HTR2A: variants seen among roughly 807,000 people sequenced by gnomAD.
HTR2A encodes 5-HT2 receptor.
Under a neutral mutation model 31.0 loss-of-function variants are expected in HTR2A, and 14 were observed. That is an observed-to-expected ratio of 0.45 (90% confidence interval 0.30 to 0.71). The LOEUF (loss-of-function observed/expected upper bound fraction) is 0.71, where lower values mean the gene tolerates loss of function less well. Among genes scored for constraint, HTR2A ranks in the 30% least tolerant of loss-of-function variants. The probability of loss-of-function intolerance (pLI) is 0.09; values close to 1 mark genes in which losing one functional copy is unlikely to be tolerated. For missense variants in HTR2A, 442 were observed against 573.3 expected (o/e 0.77, Z 2.34); for synonymous variants, 209 against 225.2 (o/e 0.93, Z 0.64).
At chr13:46,847,979 A>G (rs888674902) in intron 3 of HTR2A, among the ~76,000 whole-genome samples, 1 of 152,052 alleles carries the variant, frequency 6.6e-6, no homozygotes, top group African/African-American at 2.4e-5. Context: ...AGGATTCTAG[A>G]AGCTTCTTCA....
Position 46,835,604 on chromosome 13 carries a change from C to A in HTR2A, c.649G>T (p.Asp217Tyr). 1.2e-6 allele frequency: 2 copies of A among 1,613,766 alleles called. No individual in the cohort carries two copies. The highest frequency in any genetic ancestry group is 1.7e-6 in the Non-Finnish European group (2 of 1,179,818). ...CCCTCCTTAAAGACCTTCGAATCGT[C>A]CTGTAGCCCAAAGACTGGTATTGGC... is the stretch of plus-strand genomic sequence containing the variant. ...SMPIPVFGLQ[D>Y]DSKVFKEGSC... Residue 217 changes from aspartate to tyrosine, a missense_variant, in exon 4 of 4, where the codon GAC becomes TAC. This residue lies in a region of HTR2A where 174 missense variants were observed against 195.1 expected (regional missense o/e 0.89). Coordinates refer to ENST00000542664, the MANE Select transcript of HTR2A (RefSeq NM_000621.5).
chr13:46,847,107 G>A (rs191732451), intron 3 of HTR2A, among the ~76,000 whole-genome samples: 2 of 152,350 alleles, frequency 1.3e-5, no homozygotes, highest in East Asian at 1.9e-4. Context: ...TTTGAGTTTC[G>A]ATTCTTGGGA....
chr13:46,894,260 C>G (rs1264133740), intron 2 of HTR2A, among the ~76,000 whole-genome samples: 4 of 152,250 alleles, frequency 2.6e-5, no homozygotes, highest in South Asian at 2.1e-4. Context: ...CCTTGCTCCC[C>G]AAGCGGGTGA....
intron 3 of HTR2A, among the ~76,000 whole-genome samples, chr13:46,877,559 C>T (rs921410744): frequency 6.6e-5 from 10 of 152,034 alleles, no homozygotes; most frequent in Admixed American, 2.0e-4. Context: ...GAGTCAGACT[C>T]CAGAAATTAA....
chr13:46,838,538 T>A (rs1442157844), intron 3 of HTR2A, among the ~76,000 whole-genome samples: 1 of 152,196 alleles, frequency 6.6e-6, no homozygotes, highest in Non-Finnish European at 1.5e-5. Context: ...TTAGTTTGTA[T>A]ACACTAGATT....
chr13:46,879,017 T>C (rs1375711773), intron 3 of HTR2A, among the ~76,000 whole-genome samples: 3 of 152,152 alleles, frequency 2.0e-5, no homozygotes, highest in Non-Finnish European at 2.9e-5. Flanking sequence ...CAAAAACAAA[T>C]ATAAGAAACT....
At position 46,863,284 on chromosome 13, in the gene HTR2A, G is replaced by A. The variant is rs1365654567; in HGVS notation, c.614-27645C>T. 3.3e-5 allele frequency among the ~76,000 whole-genome samples: 5 copies of A among 152,050 alleles called. No homozygotes were observed. The East Asian group carries it at 9.6e-4, about 29-fold the overall frequency. On this transcript the variant is annotated intron_variant, in intron 3 of 3. Transcript: ENST00000542664. ...CTCTGATGCTTAAAAAATAAAAAGG[G>A]AATAAGAACAAAAGTTATCTTTTCT...
intron 3 of HTR2A, among the ~76,000 whole-genome samples, chr13:46,853,718 C>A (rs889108183): frequency 1.3e-5 from 2 of 152,094 alleles, no homozygotes; most frequent in Non-Finnish European, 2.9e-5. Context: ...TCCAGGGTAG[C>A]GTGGACACTC....
chr13:46,891,119 A>G (rs560973288), intron 3 of HTR2A, among the ~76,000 whole-genome samples: 1 of 152,382 alleles, frequency 6.6e-6, no homozygotes, highest in East Asian at 1.9e-4. Flanking sequence ...GACATGATCC[A>G]GTAAGCCACA....
At chr13:46,890,525 T>C (rs1951044729) in intron 3 of HTR2A, among the ~76,000 whole-genome samples, 1 of 152,324 alleles carries the variant, frequency 6.6e-6, no homozygotes, top group Middle Eastern at 3.4e-3. Context: ...TTATAAGTGA[T>C]ATCATCCTGT....
In HTR2A at chr13:46,833,175, C is replaced by T. The variant is rs1876308344; in HGVS notation, c.*1662G>A. 6.6e-6 allele frequency: 1 copy of T among 152,038 alleles called. No individual in the cohort carries two copies. Among genetic ancestry groups the T allele is most frequent in the East Asian group, 1.9e-4 (1 of 5,192 alleles). 9.4% of individuals were successfully genotyped at this position (152,038 alleles called of 1,614,324 possible). ...AATGTTAAGCCTCAAGTGATATTTTCCCCCTCCTTTATTTGTTTGGTGTTT... is the reference window on the plus strand; with the variant it reads ...AATGTTAAGCCTCAAGTGATATTTTTCCCCTCCTTTATTTGTTTGGTGTTT... On this transcript the variant is annotated 3_prime_UTR_variant, in exon 4 of 4. Transcript: ENST00000542664.
intron 3 of HTR2A, among the ~76,000 whole-genome samples, chr13:46,862,147 T>C (rs963946634): frequency 7.9e-5 from 12 of 152,196 alleles, no homozygotes; most frequent in Non-Finnish European, 1.8e-4. Context: ...CCTTGCCAGA[T>C]CTATTATAAT....
At chr13:46,860,204 C>G (rs1874101787) in intron 3 of HTR2A, among the ~76,000 whole-genome samples, 1 of 152,174 alleles carries the variant, frequency 6.6e-6, no homozygotes, top group South Asian at 2.1e-4. Flanking sequence ...CTGTGCTGTA[C>G]AGGTTGGTAA....
intron 3 of HTR2A, among the ~76,000 whole-genome samples, chr13:46,889,646 A>G (rs1040865866): frequency 6.6e-6 from 1 of 152,234 alleles, no homozygotes; most frequent in Non-Finnish European, 1.5e-5. Context: ...ATATCAATTG[A>G]GTCTAAAAAA....
intron 3 of HTR2A, among the ~76,000 whole-genome samples, chr13:46,881,728 A>G (rs985933): frequency 0.59 from 90,120 of 151,990 alleles, 26,838 homozygotes; most frequent in East Asian, 0.67. Context: ...ATAGCCGTAT[A>G]AAGGAGTTGG....
chr13:46,869,044 ACGTCACCAAAAG>A (rs1950843519), intron 3 of HTR2A, among the ~76,000 whole-genome samples: 1 of 152,186 alleles, frequency 6.6e-6, no homozygotes, highest in Admixed American at 6.5e-5. Context: ...TGAAGTAGAT[ACGTCACCAAAAG>A]CACAAACAAA....
At chr13:46,897,912 C>T (rs369344048), upstream of HTR2A, among the ~76,000 whole-genome samples, 1 of 152,206 alleles carries the variant, frequency 6.6e-6, no homozygotes, top group Non-Finnish European at 1.5e-5. Flanking sequence ...TCTTCCCTCA[C>T]TCCGCATCCC....
At chr13:46,885,315 G>A (rs117948147) in intron 3 of HTR2A, among the ~76,000 whole-genome samples, 13 of 152,160 alleles carry the variant, frequency 8.5e-5, no homozygotes, top group South Asian at 2.1e-4. Flanking sequence ...GCAGGATGGC[G>A]GGAGAGTTTA....
In HTR2A at chr13:46,877,782, A is replaced by C. The variant is rs1950927231; in HGVS notation, c.613+14608T>G. Among the ~76,000 whole-genome samples, 2 of 152,142 alleles carry C rather than the reference A, an allele frequency of 1.3e-5. 1 individual carries two copies. Among genetic ancestry groups the C allele is most frequent in the African/African-American group, 4.8e-5 (2 of 41,442 alleles). The stretch of plus-strand genomic sequence containing the variant: ...AAAGCAGGGCAAGTACCTCATTTAT[A>C]GAGGGAAGGGGAAATGTGAAGGCTT... On this transcript the variant is annotated intron_variant, in intron 3 of 3. Transcript: ENST00000542664.
Sources: gnomAD v4.1 joint callset for allele counts (sites outside exome capture counted in the v4.1 genomes callset) on GRCh38, gnomAD v4.1.1 for gene constraint, gnomAD v4.1.1 regional missense constraint, MANE v1.5 for transcripts, NCBI Gene and HGNC (gene_info 2026-07-23, HGNC 2026-07-21) for gene names.